The following MUTYH variants were observed in gnomAD, a reference collection of about 807,000 sequenced individuals.
MUTYH encodes the protein mutY DNA glycosylase.
MUTYH carries 64 observed loss-of-function variants against 72.9 expected under a neutral mutation model. The observed-to-expected ratio is 0.88, with a 90% CI of 0.72 to 1.08. MUTYH has a LOEUF of 1.08. Among genes scored for constraint, MUTYH ranks in the 50% least tolerant of loss-of-function variants. The pLI is 0.00. For missense variants in MUTYH, 633 were observed against 671.0 expected (o/e 0.94, Z 0.63); for synonymous variants, 234 against 263.1 (o/e 0.89, Z 1.07).
At chr1:45,330,294 C>T (rs1460743761) in intron 15 of MUTYH, among the ~76,000 whole-genome samples, 1 of 146,516 alleles carries the variant, frequency 6.8e-6, no homozygotes, top group African/African-American at 2.5e-5. Flanking sequence ...AAACTCAGTA[C>T]AGGCATTTCA....
At chr1:45,331,106 TGTTTACACA>T in intron 14 of MUTYH, 67 bp downstream of exon 14, 1 of 1,599,036 alleles carries the variant, frequency 6.3e-7, no homozygotes, top group Non-Finnish European at 8.6e-7. Flanking sequence ...CTTTTTTTCC[TGTTTACACA>T]GTAATATATT....
rs3219489 is a variant in MUTYH, at chr1:45,331,833, C to G, written c.930G>C (p.Gln310His). Residue 310 changes from glutamine (Q) to histidine (H), a missense_variant, in exon 12 of 16, where the codon CAG (glutamine) becomes CAC (histidine). Physicochemically the swap from Gln to His is conservative, Grantham distance 24 (BLOSUM62 0). Coordinates refer to ENST00000456914, the MANE Select transcript of MUTYH (RefSeq NM_001048174.2). ...DVEECAPNTG[Q>H]CHLCLPPSEP... The stretch of plus-strand genomic sequence containing the variant: ...CCGAGGGAGGCAGGCACAGGTGGCA[C>G]TGTCCAGTGTTGGGAGCTGGGAACG... 418,548 of 1,603,502 alleles carry G rather than the reference C, an allele frequency of 0.26. 56,797 individuals carry two copies. Among genetic ancestry groups the G allele is most frequent in the Admixed American group, 0.46 (26,646 of 58,306 alleles).
At chr1:45,340,135 C>A, upstream of MUTYH, 1 of 1,575,680 alleles carries the variant, frequency 6.3e-7, no homozygotes, top group East Asian at 2.4e-5. Context: ...GGAAGTTCGA[C>A]CCATCGGCGA....
In MUTYH at chr1:45,329,451, G is replaced by C. The variant is rs1031501403; in HGVS notation, c.1435-14C>G. 6.8e-6 allele frequency: 11 copies of C among 1,613,776 alleles called. No individual in the cohort carries two copies. The African/African-American group carries it at 1.2e-4, about 18-fold the overall frequency. ...CCTTTTGGAACCCTGTGAAAAAATG[G>C]AAGGAGGGAGGCCTTGTAGTTGGGG... On this transcript the variant is annotated splice_polypyrimidine_tract_variant and intron_variant, in intron 15 of 15. Coordinates refer to ENST00000456914, the MANE Select transcript of MUTYH (RefSeq NM_001048174.2).
rs749471975 is a variant in MUTYH at position 45,331,704 on chromosome 1, C to G, written c.1059G>C (p.Gly353=). The G allele has an allele frequency of 3.7e-6, 6 of 1,614,140 alleles. No individual in the cohort carries two copies. Among genetic ancestry groups the G allele is most frequent in the Non-Finnish European group, 5.1e-6 (6 of 1,180,042 alleles). ...CCAGCAGAATTTGGGCCCCAAGGGCCCCAGGCTGTTCCAGAACACAGGTGG... is the reference window on the plus strand; with the variant it reads ...CCAGCAGAATTTGGGCCCCAAGGGCGCCAGGCTGTTCCAGAACACAGGTGG... ...SSATCVLEQP[G]ALGAQILLVQ... Residue 353 remains glycine (G), a synonymous_variant, in exon 12 of 16, where the codon GGG becomes GGC. Coordinates refer to ENST00000456914, the MANE Select transcript of MUTYH (RefSeq NM_001048174.2).
chr1:45,334,000 C>T (rs947931302), intron 2 of MUTYH: 118 of 376,106 alleles, frequency 3.1e-4, no homozygotes, highest in South Asian at 1.9e-3. Flanking sequence ...CAGAATTACA[C>T]CCTCAGTGAG....
In MUTYH at chr1:45,333,090, G is replaced by C. The variant is rs2149164176; in HGVS notation, c.378+7C>G. 6.2e-7 allele frequency: 1 copy of C among 1,614,110 alleles called. No homozygotes were observed. The highest frequency in any genetic ancestry group is 8.5e-7 in the Non-Finnish European group (1 of 1,180,008). On this transcript the variant is annotated splice_region_variant and intron_variant, in intron 5 of 15. Transcript: ENST00000456914. ...CCATGACCCTTCCCTTCCTCCCCTGGAGTCACCTGCATCCATCCGGTATAG... is the reference window on the plus strand; with the variant it reads ...CCATGACCCTTCCCTTCCTCCCCTGCAGTCACCTGCATCCATCCGGTATAG...
intron 9 of MUTYH, 34 bp from the exon 10 acceptor site, chr1:45,332,344 T>A: frequency 6.2e-7 from 1 of 1,614,074 alleles, no homozygotes; most frequent in South Asian, 1.1e-5. Flanking sequence ...GAAGCAGAGC[T>A]CCTTTGCAGA....
chr1:45,333,163 G>A lies in MUTYH; in HGVS notation c.312C>T (p.Val104=), dbSNP rs1313145820. ...GGGTCTGCTGCAGCATGACCTCTGAGACCCACACTGGGGGAAAGGGGTTGG... is the reference window on the plus strand; with the variant it reads ...GGGTCTGCTGCAGCATGACCTCTGAAACCCACACTGGGGGAAAGGGGTTGG... ...DLDRRAYAVW[V]SEVMLQQTQV... The change falls in exon 5 of 16, where the codon GTC becomes GTT. Residue 104 remains valine, a synonymous_variant. Coordinates refer to ENST00000456914, the MANE Select transcript of MUTYH (RefSeq NM_001048174.2). 1.9e-6 allele frequency: 3 copies of A among 1,614,208 alleles called. No individual in the cohort carries two copies. Among genetic ancestry groups the A allele is most frequent in the Admixed American group, 3.3e-5 (2 of 60,030 alleles).
In MUTYH at chr1:45,330,498, G is replaced by A. The variant is rs1434882544; in HGVS notation, c.1434+18C>T. 2 of 1,606,328 alleles carry A rather than the reference G, an allele frequency of 1.2e-6. No homozygotes were observed. Among genetic ancestry groups the A allele is most frequent in the African/African-American group, 1.3e-5 (1 of 74,740 alleles). The stretch of plus-strand genomic sequence containing the variant: ...CAGGCCTGGGGAGACACGGTTGGGA[G>A]AGGCCTAGGAGACTTACCATACAGG... On this transcript the variant is annotated intron_variant, in intron 15 of 15. Coordinates refer to ENST00000456914, the MANE Select transcript of MUTYH (RefSeq NM_001048174.2).
Position 45,331,225 on chromosome 1 carries a change from T to A in MUTYH, c.1349A>T (p.Gln450Leu), listed in dbSNP as rs774607582. 13 of 1,614,260 alleles carry A rather than the reference T, an allele frequency of 8.1e-6. No homozygotes were observed. The highest frequency in any genetic ancestry group is 1.1e-5 in the Non-Finnish European group (13 of 1,180,052). ...TVPPGARWLTQEEFHTAAVST... is the reference protein window; with the variant it reads ...TVPPGARWLTLEEFHTAAVST... ...AACAGCTGCGGTGTGAAATTCCTCC[T>A]GCGTCAGCCAGCGAGCACCTGGTGG... is the stretch of plus-strand genomic sequence containing the variant. Residue 450 changes from glutamine (Q) to leucine (L), a missense_variant, in exon 14 of 16, where the codon CAG becomes CTG. Physicochemically the swap from Gln to Leu is moderately radical, Grantham distance 113. Coordinates refer to ENST00000456914, the MANE Select transcript of MUTYH (RefSeq NM_001048174.2).
chr1:45,329,746 A>C, intron 15 of MUTYH: 3 of 354,488 alleles, frequency 8.5e-6, no homozygotes, highest in East Asian at 5.6e-5. Flanking sequence ...AGCTAAACCA[A>C]CTGCTCACAG....
At chr1:45,329,725 C>T (rs1181273623) in intron 15 of MUTYH, among the ~76,000 whole-genome samples, 1 of 152,188 alleles carries the variant, frequency 6.6e-6, no homozygotes, top group East Asian at 1.9e-4. Flanking sequence ...GCAGGCCCTG[C>T]TGACCTTTCC....
At position 45,329,405 on chromosome 1, in the gene MUTYH, G is replaced by C. The variant is rs757781701; in HGVS notation, c.1467C>G (p.Cys489Trp). The C allele has an allele frequency of 4.3e-6, 7 of 1,614,020 alleles. No homozygotes were observed. Among genetic ancestry groups the C allele is most frequent in the Non-Finnish European group, 5.9e-6 (7 of 1,180,036 alleles). ...GGCCCATGCGGGGCTTTTTCCGACT[G>C]CACGGAGAGGACACCTGGGACCTTT... ...GSKRSQVSSPCSRKKPRMGQQ... is the reference protein window; with the variant it reads ...GSKRSQVSSPWSRKKPRMGQQ... Residue 489 changes from cysteine (C) to tryptophan (W), a missense_variant, in exon 16 of 16, where the codon TGC (cysteine) becomes TGG (tryptophan). By Grantham distance (215) the Cys-to-Trp change is radical. Transcript: ENST00000456914.
intron 15 of MUTYH, chr1:45,329,832 C>T (rs552647033): frequency 2.1e-4 from 40 of 191,754 alleles, no homozygotes; most frequent in Admixed American, 1.4e-3. Context: ...AACATCGCTA[C>T]GGTTGATTCC....
chr1:45,334,623 T>C (rs1156895139), intron 1 of MUTYH, 112 bp from the exon 2 acceptor site: 1 of 1,480,278 alleles, frequency 6.8e-7, no homozygotes, highest in East Asian at 2.3e-5. Context: ...GGGGTCCAGC[T>C]TCTCTCAAGC....
chr1:45,330,455 A>C (rs1644601345), intron 15 of MUTYH, 61 bp downstream of exon 15: 1 of 1,533,088 alleles, frequency 6.5e-7, no homozygotes, highest in Non-Finnish European at 8.9e-7. Context: ...TAGTTAACTG[A>C]CTAAAAACCT....
chr1:45,331,054 C>T, intron 14 of MUTYH, 128 bp downstream of exon 14: 1 of 1,313,936 alleles, frequency 7.6e-7, no homozygotes, highest in Non-Finnish European at 1.1e-6. Context: ...CATTGCACTC[C>T]AGCCTGGGCA....
intron 2 of MUTYH, chr1:45,334,100 A>T: frequency 2.4e-6 from 1 of 414,922 alleles, no homozygotes; most frequent in Non-Finnish European, 4.6e-6. Flanking sequence ...TCTGCCTTCC[A>T]GGCTCAAGCG....
Sources: gnomAD v4.1 joint callset for allele counts (sites outside exome capture counted in the v4.1 genomes callset) on GRCh38, gnomAD v4.1.1 for gene constraint, MANE v1.5 for transcripts, NCBI Gene and HGNC (gene_info 2026-07-23, HGNC 2026-07-21) for gene names.